The following LPP variants were observed in gnomAD, a reference collection of about 807,000 sequenced individuals.
The protein encoded by LPP is LIM domain containing preferred translocation partner in lipoma.
Under a neutral mutation model 60.4 loss-of-function variants are expected in LPP, and 38 were observed. The ratio of observed to expected loss-of-function variants is 0.63; its 90% CI spans 0.49 to 0.83. The LOEUF is 0.83. LPP is among the 40% of genes least tolerant of loss of function. LPP has a pLI of 0.00. For synonymous variants in LPP, 328 were observed against 290.8 expected (o/e 1.13, Z -1.30); for missense variants, 902 against 783.6 (o/e 1.15, Z -1.80).
chr3:188,433,753 G>GGA (rs754290868), intron 4 of LPP, among the ~76,000 whole-genome samples: 3 of 148,198 alleles, frequency 2.0e-5, no homozygotes, highest in Non-Finnish European at 4.5e-5. Context: ...GAGACAGGAG[G>GGA]GAGAGAGAGA....
chr3:188,808,560 C>A (rs992925303), intron 9 of LPP, among the ~76,000 whole-genome samples: 2 of 152,064 alleles, frequency 1.3e-5, no homozygotes, highest in African/African-American at 4.8e-5. Context: ...AGGGACAATC[C>A]GGGAGAAGTA....
chr3:188,428,257 A>G (rs1789977637), intron 4 of LPP, among the ~76,000 whole-genome samples: 3 of 152,150 alleles, frequency 2.0e-5, no homozygotes, highest in Non-Finnish European at 2.9e-5. Flanking sequence ...CTGTCTAACC[A>G]GTCCCAGTGA....
At chr3:188,753,847 T>G (rs1729079074) in intron 8 of LPP, among the ~76,000 whole-genome samples, 1 of 151,970 alleles carries the variant, frequency 6.6e-6, no homozygotes. Flanking sequence ...GGAGCCACCT[T>G]TCCCCCACTA....
At chr3:188,260,871 A>G (rs1733368288) in intron 2 of LPP, among the ~76,000 whole-genome samples, 1 of 152,098 alleles carries the variant, frequency 6.6e-6, no homozygotes, top group Admixed American at 6.6e-5. Flanking sequence ...TGTCTCTACT[A>G]AAAATACAAA....
At chr3:188,707,532 C>A (rs1865728709) in intron 7 of LPP, among the ~76,000 whole-genome samples, 1 of 152,216 alleles carries the variant, frequency 6.6e-6, no homozygotes. Context: ...GACTTATCAT[C>A]ACTATTTGAA....
chr3:188,503,986 A>G (rs534234511), intron 5 of LPP, among the ~76,000 whole-genome samples: 1 of 152,102 alleles, frequency 6.6e-6, no homozygotes, highest in African/African-American at 2.4e-5. Flanking sequence ...CTTTGATCAA[A>G]TTTGGGGGAG....
chr3:188,584,567 G>GTT, intron 6 of LPP: 1 of 151,810 alleles, frequency 6.6e-6, no homozygotes, highest in African/African-American at 2.4e-5. Context: ...GTGTGTGTGT[G>GTT]TGTGTGTGTG....
At chr3:188,432,714 T>A (rs1791230060) in intron 4 of LPP, among the ~76,000 whole-genome samples, 1 of 152,134 alleles carries the variant, frequency 6.6e-6, no homozygotes, top group Non-Finnish European at 1.5e-5. Context: ...ACCCAGGATC[T>A]TTATTACTTT....
chr3:188,348,894 G>A (rs140917621), intron 3 of LPP, among the ~76,000 whole-genome samples: 166 of 152,222 alleles, frequency 1.1e-3, no homozygotes, highest in African/African-American at 3.7e-3. Flanking sequence ...TCCGGGGGGC[G>A]GGGATGCTGT....
intron 3 of LPP, among the ~76,000 whole-genome samples, chr3:188,378,051 G>A (rs1457518564): frequency 3.3e-5 from 5 of 152,138 alleles, no homozygotes; most frequent in South Asian, 2.1e-4. Flanking sequence ...GCTGCTGCCC[G>A]ATCATTCCTC....
At chr3:188,860,616 G>A (rs1479937152) in intron 9 of LPP, among the ~76,000 whole-genome samples, 1 of 148,070 alleles carries the variant, frequency 6.8e-6, no homozygotes, top group Non-Finnish European at 1.5e-5. Context: ...TTCTAGACTG[G>A]AGAATTGTTT....
At chr3:188,267,329 C>T (rs1735940869) in intron 2 of LPP, among the ~76,000 whole-genome samples, 1 of 152,184 alleles carries the variant, frequency 6.6e-6, no homozygotes, top group African/African-American at 2.4e-5. Context: ...AGGACTTTTT[C>T]TGAGGAATCT....
intron 4 of LPP, among the ~76,000 whole-genome samples, chr3:188,470,513 TA>T (rs1801594025): frequency 1.3e-5 from 2 of 152,134 alleles, no homozygotes; most frequent in South Asian, 4.1e-4. Context: ...GAGGTGCTTT[TA>T]GGATAGACTG....
chr3:188,749,142 C>T (rs551693340), intron 8 of LPP, among the ~76,000 whole-genome samples: 1 of 152,278 alleles, frequency 6.6e-6, no homozygotes, highest in Non-Finnish European at 1.5e-5. Context: ...CGCAATACTC[C>T]TAATTACAAT....
At chr3:188,239,156 C>A (rs375725922) in intron 2 of LPP, among the ~76,000 whole-genome samples, 1 of 152,354 alleles carries the variant, frequency 6.6e-6, no homozygotes, top group East Asian at 1.9e-4. Flanking sequence ...CCCTCCATGG[C>A]AGAGGGCTCT....
intron 7 of LPP, among the ~76,000 whole-genome samples, chr3:188,617,725 C>A (rs1024833696): frequency 5.3e-5 from 8 of 152,112 alleles, no homozygotes; most frequent in African/African-American, 1.9e-4. Context: ...TTTAAAAATA[C>A]CCCAGGTCTC....
intron 2 of LPP, among the ~76,000 whole-genome samples, chr3:188,307,628 T>C (rs193274779): frequency 4.8e-4 from 73 of 152,320 alleles, no homozygotes; most frequent in Admixed American, 3.5e-3. Flanking sequence ...TTAAGTTGTT[T>C]GTTGTATCCC....
chr3:188,235,912 A>G (rs1485162142), intron 2 of LPP, among the ~76,000 whole-genome samples: 2 of 152,020 alleles, frequency 1.3e-5, no homozygotes, highest in Non-Finnish European at 2.9e-5. Context: ...TCTCCTCTAG[A>G]TTGTAGAAGC....
At chr3:188,280,447 A>G (rs1448867603) in intron 2 of LPP, among the ~76,000 whole-genome samples, 1 of 152,196 alleles carries the variant, frequency 6.6e-6, no homozygotes, top group Admixed American at 6.5e-5. Context: ...GATACAGAAG[A>G]GAACTTCTGA....
Sources: allele counts gnomAD v4.1 joint callset (sites outside exome capture counted in the v4.1 genomes callset), GRCh38; gene constraint gnomAD v4.1.1; transcripts MANE v1.5; gene names NCBI Gene and HGNC (gene_info 2026-07-23, HGNC 2026-07-21).